The following KCNQ5 variants were observed in gnomAD, a reference collection of about 807,000 sequenced individuals.
KCNQ5 encodes the protein potassium voltage-gated channel subfamily KQT member 5.
Under a neutral mutation model 98.2 loss-of-function variants are expected in KCNQ5, and 30 were observed. The observed-to-expected ratio is 0.31, with a 90% CI of 0.23 to 0.41. KCNQ5 has a LOEUF of 0.41. KCNQ5 is among the 10% of genes least tolerant of loss of function. The probability of loss-of-function intolerance (pLI) is 1.00; values close to 1 mark genes in which losing one functional copy is unlikely to be tolerated. For synonymous variants in KCNQ5, 458 were observed against 449.4 expected (o/e 1.02, Z -0.24); for missense variants, 835 against 1,182.5 (o/e 0.71, Z 4.31).
At chr6:72,808,847 T>A (rs1430527578) in intron 1 of KCNQ5, among the ~76,000 whole-genome samples, 1 of 151,862 alleles carries the variant, frequency 6.6e-6, no homozygotes, top group African/African-American at 2.4e-5. Context: ...TCCTCAGGGA[T>A]CTAGAACTAG....
chr6:72,649,636 C>T (rs558015650), intron 1 of KCNQ5, among the ~76,000 whole-genome samples: 11 of 152,214 alleles, frequency 7.2e-5, no homozygotes, highest in Middle Eastern at 3.4e-3. Context: ...TGTAATGGTT[C>T]TTGAATGCTT....
intron 9 of KCNQ5, among the ~76,000 whole-genome samples, chr6:73,128,763 G>C (rs1000295344): frequency 2.0e-5 from 3 of 152,312 alleles, no homozygotes; most frequent in Admixed American, 2.0e-4. Flanking sequence ...TTTCTGAGTA[G>C]ACTAAAGTTG....
chr6:72,944,928 A>G (rs1421458533), intron 1 of KCNQ5, among the ~76,000 whole-genome samples: 1 of 152,222 alleles, frequency 6.6e-6, no homozygotes, highest in East Asian at 1.9e-4. Flanking sequence ...ACAAGTTCCA[A>G]AATAGATGCT....
chr6:73,178,570 C>T (rs1778299008), intron 11 of KCNQ5, among the ~76,000 whole-genome samples: 1 of 151,474 alleles, frequency 6.6e-6, no homozygotes, highest in Non-Finnish European at 1.5e-5. Flanking sequence ...CTAAGTGAGC[C>T]AAATGGAATA....
chr6:72,976,226 A>G (rs1192424965), intron 1 of KCNQ5, among the ~76,000 whole-genome samples: 1 of 152,174 alleles, frequency 6.6e-6, no homozygotes, highest in Non-Finnish European at 1.5e-5. Flanking sequence ...TCATATAGTC[A>G]TAGAAAATTG....
In KCNQ5 at chr6:72,811,095, G is replaced by A. The variant is rs575786349; in HGVS notation, c.398+188508G>A. On this transcript the variant is annotated intron_variant, in intron 1 of 13. Coordinates refer to ENST00000370398, the MANE Select transcript of KCNQ5 (RefSeq NM_019842.4). ...ATGGCATTGCTCAAGCACAGATCTC[G>A]CCTGGTGGCTCCAAAATGAAAGGAG... Among the ~76,000 whole-genome samples the A allele has an allele frequency of 2.1e-3, 320 of 152,282 alleles. 3 individuals are homozygous for A. The highest frequency in any genetic ancestry group is 7.3e-3 in the African/African-American group (304 of 41,562).
rs1348419810 is a variant in KCNQ5, at chr6:73,034,493, A to C, written c.490-7443A>C. On this transcript the variant is annotated intron_variant, in intron 2 of 13. Transcript: ENST00000370398. ...CAGAAAAAACTAATGGTCACAGAAG[A>C]CAGCTTGTAGATTAGACAAAGGTCA... 2.6e-5 allele frequency among the ~76,000 whole-genome samples: 4 copies of C among 152,242 alleles called. No homozygotes were observed. In the East Asian group the frequency reaches 7.7e-4, roughly 29 times the overall value.
At chr6:72,718,445 CTTTTTTTTTT>C (rs1032425332) in intron 1 of KCNQ5, among the ~76,000 whole-genome samples, 1 of 71,448 alleles carries the variant, frequency 1.4e-5, no homozygotes, top group Non-Finnish European at 2.5e-5. Context: ...CCTTTCTGCT[CTTTTTTTTTT>C]TTTTTTTTTT....
intron 11 of KCNQ5, among the ~76,000 whole-genome samples, chr6:73,179,142 T>C (rs185289527): frequency 6.6e-6 from 1 of 152,020 alleles, no homozygotes; most frequent in Non-Finnish European, 1.5e-5. Context: ...GAAGAGGGAG[T>C]ATTTCAGTCT....
At chr6:72,726,212 T>TAAA (rs1561944403) in intron 1 of KCNQ5, among the ~76,000 whole-genome samples, 3 of 144,846 alleles carry the variant, frequency 2.1e-5, no homozygotes, top group African/African-American at 5.3e-5. Flanking sequence ...ATTTAAATTT[T>TAAA]TTTTTTTTTT....
intron 10 of KCNQ5, among the ~76,000 whole-genome samples, chr6:73,162,257 G>C (rs927999322): frequency 2.6e-5 from 4 of 152,062 alleles, no homozygotes; most frequent in African/African-American, 9.7e-5. Context: ...TCAGGGAACA[G>C]AGTACTTGAA....
At chr6:73,047,775 G>A (rs1026443648) in intron 3 of KCNQ5, among the ~76,000 whole-genome samples, 1 of 152,066 alleles carries the variant, frequency 6.6e-6, no homozygotes, top group African/African-American at 2.4e-5. Flanking sequence ...ACTAAAACAC[G>A]GTCCCTGCCT....
chr6:73,109,123 C>G (rs937130849), intron 6 of KCNQ5, among the ~76,000 whole-genome samples: 1 of 152,142 alleles, frequency 6.6e-6, no homozygotes. Context: ...AGACAATAAG[C>G]AGACCTGGTT....
At chr6:73,098,159 T>C (rs1479461245) in intron 5 of KCNQ5, among the ~76,000 whole-genome samples, 1 of 151,990 alleles carries the variant, frequency 6.6e-6, no homozygotes, top group African/African-American at 2.4e-5. Flanking sequence ...AGTCCCTTAA[T>C]AGCAGAATTG....
intron 1 of KCNQ5, among the ~76,000 whole-genome samples, chr6:72,952,930 C>T (rs774677832): frequency 3.3e-5 from 5 of 152,214 alleles, no homozygotes; most frequent in South Asian, 2.1e-4. Flanking sequence ...TTACAAATTC[C>T]GGAAATAGAG....
chr6:72,932,289 T>A (rs1406790608), intron 1 of KCNQ5, among the ~76,000 whole-genome samples: 2 of 151,996 alleles, frequency 1.3e-5, no homozygotes, highest in Non-Finnish European at 2.9e-5. Context: ...TGTGTGCATG[T>A]GTGTGATGAG....
chr6:72,979,388 C>T (rs1768320118), intron 1 of KCNQ5, among the ~76,000 whole-genome samples: 1 of 152,188 alleles, frequency 6.6e-6, no homozygotes. Context: ...GAGATGGTAT[C>T]TCATTGTGGT....
At chr6:73,043,585 C>T (rs1365383830) in intron 3 of KCNQ5, among the ~76,000 whole-genome samples, 1 of 152,198 alleles carries the variant, frequency 6.6e-6, no homozygotes, top group African/African-American at 2.4e-5. Flanking sequence ...GAAACTACTG[C>T]ACAACAAGTA....
In KCNQ5 at chr6:73,114,926, C is replaced by T. The variant is rs184958353; in HGVS notation, c.1125+3523C>T. On this transcript the variant is annotated intron_variant, in intron 7 of 13. Transcript: ENST00000370398. ...CCTAGTAAAATGACTTAGTCTCCAC[C>T]CAATTACCCTAAAGCGAAGCCACTA... Among the ~76,000 whole-genome samples, 3 of 152,004 alleles carry T rather than the reference C, an allele frequency of 2.0e-5. No individual in the cohort carries two copies. The East Asian group carries it at 5.8e-4, about 29-fold the overall frequency.
Sources: allele counts gnomAD v4.1 joint callset (sites outside exome capture counted in the v4.1 genomes callset), GRCh38; gene constraint gnomAD v4.1.1; transcripts MANE v1.5; gene names NCBI Gene and HGNC (gene_info 2026-07-23, HGNC 2026-07-21).